The following PDE3A variants were observed in gnomAD, a reference collection of about 807,000 sequenced individuals.
The protein encoded by PDE3A is phosphodiesterase 3A.
Under a neutral mutation model 98.3 loss-of-function variants are expected in PDE3A, and 43 were observed. That is an observed-to-expected ratio of 0.44 (90% CI 0.34 to 0.56). The LOEUF is 0.56. Among genes scored for constraint, PDE3A ranks in the 20% least tolerant of loss-of-function variants. The pLI, the probability that PDE3A is intolerant of heterozygous loss-of-function variation, is 0.01. For missense variants in PDE3A, 1,427 were observed against 1,440.7 expected, an observed-to-expected ratio of 0.99 and a Z score of 0.15; for synonymous variants, 663 against 567.9, an observed-to-expected ratio of 1.17 and a Z score of -2.38.
At chr12:20,655,672 A>C (rs71446707) in intron 15 of PDE3A, among the ~76,000 whole-genome samples, 5,455 of 152,322 alleles carry the variant, frequency 0.036, 126 homozygotes, top group Middle Eastern at 0.061. Context: ...TCTGTAGGTC[A>C]CGGTAAGTGT....
At chr12:20,611,418 TTTTG>T (rs143544001) in intron 2 of PDE3A, among the ~76,000 whole-genome samples, 14,591 of 151,744 alleles carry the variant, frequency 0.096, 804 homozygotes, top group East Asian at 0.2. Context: ...GATTTTCTGT[TTTTG>T]TTTTTTTGTT....
intron 1 of PDE3A, among the ~76,000 whole-genome samples, chr12:20,386,706 C>G (rs1257357696): frequency 6.6e-6 from 1 of 151,950 alleles, no homozygotes; most frequent in Non-Finnish European, 1.5e-5. Context: ...GAATAGATTG[C>G]AAAAATTTTC....
At chr12:20,572,112 C>T (rs1294426992) in intron 2 of PDE3A, 2 of 1,273,934 alleles carry the variant, frequency 1.6e-6, no homozygotes, top group South Asian at 2.6e-5. Flanking sequence ...AAGAACATCT[C>T]ATTACTGATT....
chr12:20,640,025 A>G, intron 10 of PDE3A, 68 bp downstream of exon 10: 2 of 736,708 alleles, frequency 2.7e-6, no homozygotes, highest in East Asian at 2.6e-5. Context: ...TAAATGGGAT[A>G]GTGAATCATT....
chr12:20,458,733 C>T (rs1945195607), intron 1 of PDE3A, among the ~76,000 whole-genome samples: 1 of 152,098 alleles, frequency 6.6e-6, no homozygotes. Flanking sequence ...GCTGTCCTTC[C>T]TGAGAGTCAG....
intron 1 of PDE3A, among the ~76,000 whole-genome samples, chr12:20,376,750 C>T (rs902221288): frequency 6.6e-6 from 1 of 151,576 alleles, no homozygotes; most frequent in Non-Finnish European, 1.5e-5. Context: ...TTTTTTTCAC[C>T]TGTTATTTTG....
rs1246097160 is a variant in PDE3A at position 20,369,186 on chromosome 12, C to CGTGCGTGTGTGT, written c.-95_-84dup. 102 of 708,782 alleles carry CGTGCGTGTGTGT rather than the reference C, an allele frequency of 1.4e-4. No homozygotes were observed. In the African/African-American group the frequency reaches 2.4e-3, roughly 17 times the overall value. The allele number at this position is 708,782 out of a possible 1,614,324, so 43.9% of individuals were successfully genotyped here. ...CGAGGGTGGAATTGGGAAGAGCGTG[C>CGTGCGTGTGTGT]GTGCGTGTGTGTGTGTGTGTGTGTG... is the stretch of plus-strand genomic sequence containing the variant. On this transcript the variant is annotated 5_prime_UTR_variant, in exon 1 of 16. Coordinates refer to ENST00000359062, the MANE Select transcript of PDE3A (RefSeq NM_000921.5).
At chr12:20,526,452 AT>A (rs1237273589) in intron 1 of PDE3A, among the ~76,000 whole-genome samples, 2 of 152,176 alleles carry the variant, frequency 1.3e-5, no homozygotes, top group African/African-American at 4.8e-5. Flanking sequence ...TTTAAATCAA[AT>A]TTTTTTAAAA....
At chr12:20,580,062 A>G (rs1394680566) in intron 2 of PDE3A, among the ~76,000 whole-genome samples, 3 of 151,956 alleles carry the variant, frequency 2.0e-5, no homozygotes, top group Admixed American at 6.6e-5. Context: ...TATAAAAACA[A>G]ACATAAACAT....
At chr12:20,667,243 T>A (rs1161082727) in intron 15 of PDE3A, among the ~76,000 whole-genome samples, 1 of 152,206 alleles carries the variant, frequency 6.6e-6, no homozygotes, top group East Asian at 1.9e-4. Context: ...TTCACTATGT[T>A]GATTCATTTG....
At chr12:20,379,005 G>T (rs1943619092) in intron 1 of PDE3A, among the ~76,000 whole-genome samples, 1 of 151,688 alleles carries the variant, frequency 6.6e-6, no homozygotes, top group African/African-American at 2.4e-5. Context: ...GAATCTTGTG[G>T]TTTTGGTTTA....
intron 9 of PDE3A, among the ~76,000 whole-genome samples, chr12:20,638,309 G>C (rs1194520787): frequency 6.6e-6 from 1 of 152,112 alleles, no homozygotes; most frequent in African/African-American, 2.4e-5. Flanking sequence ...AAGCACATAT[G>C]GCTGTCTAGT....
intron 14 of PDE3A, among the ~76,000 whole-genome samples, chr12:20,650,812 T>C (rs1271152269): frequency 1.1e-5 from 1 of 95,126 alleles, no homozygotes; most frequent in Non-Finnish European, 2.4e-5. Flanking sequence ...TAAAAGTTAT[T>C]TGCAAGCATT....
chr12:20,615,115 G>C (rs1164464275), intron 3 of PDE3A, among the ~76,000 whole-genome samples: 1 of 148,700 alleles, frequency 6.7e-6, no homozygotes, highest in African/African-American at 2.5e-5. Flanking sequence ...TGGCCAGGCT[G>C]GTCTCAAACT....
chr12:20,675,956 A>T (rs1257705730), intron 15 of PDE3A, among the ~76,000 whole-genome samples: 1 of 152,148 alleles, frequency 6.6e-6, no homozygotes, highest in Non-Finnish European at 1.5e-5. Flanking sequence ...TGTGAATGGA[A>T]ATCTTAGTCT....
At chr12:20,529,360 A>G (rs757323060) in intron 1 of PDE3A, among the ~76,000 whole-genome samples, 23 of 152,148 alleles carry the variant, frequency 1.5e-4, no homozygotes, top group African/African-American at 4.3e-4. Context: ...TATGTAGTTG[A>G]GAAAACTGAG....
At chr12:20,394,760 A>G (rs1331934265) in intron 1 of PDE3A, among the ~76,000 whole-genome samples, 2 of 151,996 alleles carry the variant, frequency 1.3e-5, no homozygotes, top group Non-Finnish European at 2.9e-5. Flanking sequence ...AGGGTATTGC[A>G]TTGATTGTCA....
rs117034793 is a variant in PDE3A at position 20,551,878 on chromosome 12, C to T, written c.961-4782C>T. On this transcript the variant is annotated intron_variant, in intron 1 of 15. Coordinates refer to ENST00000359062, the MANE Select transcript of PDE3A (RefSeq NM_000921.5). ...GGAATGTACCATCATCCCGTCCAAC[C>T]ACTACGGACCCATCCCGGGGATCCC... is the stretch of plus-strand genomic sequence containing the variant. 12,068 of 1,613,648 alleles carry T rather than the reference C, an allele frequency of 7.5e-3. 456 individuals carry two copies. The East Asian group carries it at 0.11, about 15-fold the overall frequency.
chr12:20,471,050 C>T (rs1396973854), intron 1 of PDE3A, among the ~76,000 whole-genome samples: 1 of 152,106 alleles, frequency 6.6e-6, no homozygotes, highest in African/African-American at 2.4e-5. Context: ...GATTTCAAGT[C>T]TCCAGAACTG....
Sources: gnomAD v4.1 joint callset for allele counts (sites outside exome capture counted in the v4.1 genomes callset) on GRCh38, gnomAD v4.1.1 for gene constraint, MANE v1.5 for transcripts, NCBI Gene and HGNC (gene_info 2026-07-23, HGNC 2026-07-21) for gene names.